The following PCDHA8 variants were observed in gnomAD, a reference collection of about 807,000 sequenced individuals.
PCDHA8 encodes the protein protocadherin alpha 8, also known as protocadherin alpha-8.
In PCDHA8, 53 loss-of-function variants were observed where a neutral mutation model predicts 61.8. That is an observed-to-expected ratio of 0.86 (90% confidence interval 0.69 to 1.08). PCDHA8 has a LOEUF of 1.08. PCDHA8 is among the 50% of genes least tolerant of loss of function. PCDHA8 has a pLI of 0.00. For missense variants in PCDHA8, 1,293 were observed against 1,245.0 expected (o/e 1.04, Z -0.58); for synonymous variants, 618 against 556.6 (o/e 1.11, Z -1.55).
intron 1 of PCDHA8, chr5:140,928,237 C>T: frequency 6.2e-7 from 1 of 1,614,228 alleles, no homozygotes; most frequent in Non-Finnish European, 8.5e-7. Context: ...TCCTCAACCC[C>T]AGCAGGAACT....
intron 1 of PCDHA8, among the ~76,000 whole-genome samples, chr5:140,880,397 A>C (rs1420314604): frequency 6.6e-6 from 1 of 152,246 alleles, no homozygotes; most frequent in Non-Finnish European, 1.5e-5. Context: ...TTTTAAGAGC[A>C]TATGGTTGAC....
chr5:140,876,486 G>A, intron 1 of PCDHA8: 1 of 1,614,014 alleles, frequency 6.2e-7, no homozygotes, highest in Non-Finnish European at 8.5e-7. Context: ...TGGTCCTGGT[G>A]GAAGTTCTGG....
At chr5:140,862,583 A>C in intron 1 of PCDHA8, 1 of 494,044 alleles carries the variant, frequency 2.0e-6, no homozygotes, top group South Asian at 1.6e-5. Flanking sequence ...GCGTTCCAGC[A>C]GCCCGAGTAC....
At position 140,876,399 on chromosome 5, in the gene PCDHA8, T is replaced by C. The variant is rs141337647; in HGVS notation, c.2394+32684T>C. The C allele has an allele frequency of 1.9e-4, 306 of 1,613,906 alleles. 1 individual carries two copies. In the African/African-American group the frequency reaches 3.4e-3, roughly 18 times the overall value. On this transcript the variant is annotated intron_variant, in intron 1 of 3. Transcript: ENST00000531613. Reference sequence around the variant, plus strand: ...AAATTAGAATTTATGGTGAACTGGATTTTGAAGAGAATAATGCCTATGAAA... The same window carrying C: ...AAATTAGAATTTATGGTGAACTGGACTTTGAAGAGAATAATGCCTATGAAA...
intron 1 of PCDHA8, among the ~76,000 whole-genome samples, chr5:140,917,362 A>G (rs552053034): frequency 2.2e-4 from 32 of 142,394 alleles, no homozygotes; most frequent in Admixed American, 1.7e-3. Flanking sequence ...CTGTTCCACT[A>G]TCTTGCTCCA....
rs190030565 is a variant in PCDHA8, at chr5:140,999,153, C to T, written c.2543-10474C>T. Among the ~76,000 whole-genome samples, 42 of 152,242 alleles carry T rather than the reference C, an allele frequency of 2.8e-4. 1 individual carries two copies. In the East Asian group the frequency reaches 5.2e-3, roughly 19 times the overall value. Reference sequence around the variant, plus strand: ...AATGTCACAGCCGGAAGTCTTCAGTCCCCTAGAAGGAAAAGAGCCTGATGG... The same window carrying T: ...AATGTCACAGCCGGAAGTCTTCAGTTCCCTAGAAGGAAAAGAGCCTGATGG... On this transcript the variant is annotated intron_variant, in intron 3 of 3. Coordinates refer to ENST00000531613, the MANE Select transcript of PCDHA8 (RefSeq NM_018911.3).
In PCDHA8 at chr5:140,927,075, C is replaced by T. The variant is rs1304732952; in HGVS notation, c.2395-51874C>T. On this transcript the variant is annotated intron_variant, in intron 1 of 3. Transcript: ENST00000531613. ...GGAACTTTCGCTTCCTTTCCAGCCA[C>T]CGCGAGCTCTACTTCGGGGTGGATC... 2.5e-6 allele frequency: 4 copies of T among 1,611,188 alleles called. No homozygotes were observed. In the Admixed American group the frequency reaches 5.0e-5, roughly 20 times the overall value.
Position 141,009,940 on chromosome 5 carries a change from T to G in PCDHA8, c.*3T>G, listed in dbSNP as rs782531781. ...CGACTGACAACAGTGACCAGTGAGG[T>G]CCTCAAATGGAAACAAGCCACTTAG... On this transcript the variant is annotated 3_prime_UTR_variant, in exon 4 of 4. Transcript: ENST00000531613. 7 of 1,598,042 alleles carry G rather than the reference T, an allele frequency of 4.4e-6. No homozygotes were observed. The highest frequency in any genetic ancestry group is 4.3e-6 in the Non-Finnish European group (5 of 1,174,556).
At chr5:140,867,702 A>G (rs560641093) in intron 1 of PCDHA8, 1 of 152,136 alleles carries the variant, frequency 6.6e-6, no homozygotes, top group Admixed American at 6.5e-5. Flanking sequence ...TTCCTCCTAA[A>G]TCCTAAGGGT....
At chr5:140,974,108 C>G (rs977903039) in intron 1 of PCDHA8, among the ~76,000 whole-genome samples, 1 of 152,182 alleles carries the variant, frequency 6.6e-6, no homozygotes, top group Non-Finnish European at 1.5e-5. Flanking sequence ...TAAAAGTATT[C>G]TTTTGCAGTG....
At chr5:140,906,340 C>T (rs1353616474) in intron 1 of PCDHA8, among the ~76,000 whole-genome samples, 1 of 152,138 alleles carries the variant, frequency 6.6e-6, no homozygotes, top group Non-Finnish European at 1.5e-5. Flanking sequence ...CTTCATACAA[C>T]CAAGAATGCA....
chr5:140,958,799 C>T (rs889190378), intron 1 of PCDHA8, among the ~76,000 whole-genome samples: 3 of 152,104 alleles, frequency 2.0e-5, no homozygotes, highest in African/African-American at 7.2e-5. Context: ...AGTAAATTAT[C>T]ACACCATTCT....
chr5:140,847,661 T>C (rs1781128482), intron 1 of PCDHA8: 1 of 149,742 alleles, frequency 6.7e-6, no homozygotes, highest in Non-Finnish European at 1.5e-5. Flanking sequence ...TCATAGATTA[T>C]AAAGCTTGGA....
chr5:140,936,113 G>T (rs1316824905), intron 1 of PCDHA8, among the ~76,000 whole-genome samples: 1 of 151,964 alleles, frequency 6.6e-6, no homozygotes, highest in African/African-American at 2.4e-5. Flanking sequence ...GGCTGGTCTC[G>T]AACTCCTGAC....
At chr5:140,870,836 A>C in intron 1 of PCDHA8, 1 of 1,613,796 alleles carries the variant, frequency 6.2e-7, no homozygotes, top group Non-Finnish European at 8.5e-7. Flanking sequence ...GCAGTTAACA[A>C]GCTAGTACCG....
Position 141,010,653 on chromosome 5 carries a change from A to G in PCDHA8, c.*716A>G. On this transcript the variant is annotated 3_prime_UTR_variant, in exon 4 of 4. Transcript: ENST00000531613. ...TGCAAGCCAACAGTTCAGTGTTTTA[A>G]CAGAGAACCACCCTGGGAAACAGAA... 5.9e-6 allele frequency: 1 copy of G among 170,180 alleles called. No individual in the cohort carries two copies. The highest frequency in any genetic ancestry group is 1.3e-5 in the Non-Finnish European group (1 of 78,244). 10.5% of individuals were successfully genotyped at this position (170,180 alleles called of 1,614,324 possible). A position where few individuals can be genotyped will look rare whatever the true frequency, so the allele number is the denominator to read the frequency against.
intron 1 of PCDHA8, chr5:140,871,578 G>A (rs1554165764): frequency 6.8e-7 from 1 of 1,474,340 alleles, no homozygotes; most frequent in Admixed American, 2.6e-5. Context: ...TTTTTTAAGG[G>A]AAAGTTTTAT....
At chr5:140,934,738 C>T (rs1342430086) in intron 1 of PCDHA8, among the ~76,000 whole-genome samples, 1 of 152,078 alleles carries the variant, frequency 6.6e-6, no homozygotes, top group Admixed American at 6.5e-5. Flanking sequence ...TTTTAGGTGT[C>T]ATTATGAACT....
intron 1 of PCDHA8, among the ~76,000 whole-genome samples, chr5:140,965,730 C>T (rs1554227819): frequency 6.6e-6 from 1 of 152,166 alleles, no homozygotes; most frequent in East Asian, 1.9e-4. Flanking sequence ...AAAAATTTTA[C>T]CAGATTTTCC....
Sources: gnomAD v4.1 joint callset for allele counts (sites outside exome capture counted in the v4.1 genomes callset) on GRCh38, gnomAD v4.1.1 for gene constraint, MANE v1.5 for transcripts, NCBI Gene and HGNC (gene_info 2026-07-23, HGNC 2026-07-21) for gene names.